NRXN3: variants seen among roughly 807,000 people sequenced by gnomAD.
NRXN3 encodes neurexin 3.
A neutral mutation model predicts 137.6 loss-of-function variants in NRXN3; 32 were observed. The observed-to-expected ratio is 0.23, with a 90% CI of 0.18 to 0.31. The LOEUF (loss-of-function observed/expected upper bound fraction) is 0.31. Ranked by LOEUF, NRXN3 falls within the 10% of genes least tolerant of loss-of-function variation. The probability of loss-of-function intolerance (pLI) is 1.00; values close to 1 mark genes in which losing one functional copy is unlikely to be tolerated. For synonymous variants in NRXN3, 798 were observed against 784.5 expected (o/e 1.02, Z -0.29); for missense variants, 1,574 against 2,062.5 (o/e 0.76, Z 4.59).
intron 16 of NRXN3, among the ~76,000 whole-genome samples, chr14:79,471,192 A>G (rs777997922): frequency 6.6e-6 from 1 of 152,138 alleles, no homozygotes; most frequent in Non-Finnish European, 1.5e-5. Flanking sequence ...ACCCTGGGGT[A>G]AGCACCCACT....
chr14:79,488,494 A>G (rs758025808), intron 16 of NRXN3, among the ~76,000 whole-genome samples: 3 of 152,224 alleles, frequency 2.0e-5, no homozygotes, highest in Non-Finnish European at 4.4e-5. Flanking sequence ...ACAAAGGCAG[A>G]AATTGACAAC....
At chr14:78,275,199 C>T (rs942330267) in intron 2 of NRXN3, among the ~76,000 whole-genome samples, 2 of 152,174 alleles carry the variant, frequency 1.3e-5, no homozygotes, top group African/African-American at 4.8e-5. Flanking sequence ...CTTCATGGCT[C>T]CAATCACTAT....
intron 4 of NRXN3, among the ~76,000 whole-genome samples, chr14:78,615,631 T>C (rs997365821): frequency 1.3e-5 from 2 of 149,908 alleles, no homozygotes; most frequent in Non-Finnish European, 3.0e-5. Flanking sequence ...ACAACAACAA[T>C]AACCAAAAAA....
intron 15 of NRXN3, among the ~76,000 whole-genome samples, chr14:79,288,065 C>G (rs1319357832): frequency 3.9e-5 from 6 of 152,194 alleles, no homozygotes; most frequent in Non-Finnish European, 7.3e-5. Context: ...TATCTGAGTT[C>G]CACAAGTCTG....
chr14:79,815,224 T>A (rs1175849445), intron 20 of NRXN3, among the ~76,000 whole-genome samples: 2 of 152,226 alleles, frequency 1.3e-5, no homozygotes, highest in African/African-American at 2.4e-5. Context: ...ATTTGATTAG[T>A]TGGATACGAA....
intron 15 of NRXN3, among the ~76,000 whole-genome samples, chr14:79,056,125 A>C (rs1487686463): frequency 6.6e-6 from 1 of 152,234 alleles, no homozygotes; most frequent in Non-Finnish European, 1.5e-5. Context: ...TGGCAGTAGG[A>C]ATGCATAGAA....
chr14:78,802,951 T>A (rs1311737138), intron 8 of NRXN3, among the ~76,000 whole-genome samples: 1 of 151,896 alleles, frequency 6.6e-6, no homozygotes, highest in East Asian at 1.9e-4. Flanking sequence ...CTCAAAAAAA[T>A]AAAAAATAAA....
chr14:78,855,182 A>C (rs919307407), intron 10 of NRXN3, among the ~76,000 whole-genome samples: 7 of 151,914 alleles, frequency 4.6e-5, no homozygotes, highest in Non-Finnish European at 8.8e-5. Flanking sequence ...AAAACATACA[A>C]AAAAGGTATA....
intron 19 of NRXN3, among the ~76,000 whole-genome samples, chr14:79,713,611 A>G (rs1416096492): frequency 4.1e-4 from 57 of 138,510 alleles, no homozygotes; most frequent in Non-Finnish European, 9.5e-5. Context: ...ATATACATAT[A>G]CATATGTATG....
intron 15 of NRXN3, among the ~76,000 whole-genome samples, chr14:79,011,079 C>A (rs557040887): frequency 6.6e-6 from 1 of 151,360 alleles, no homozygotes; most frequent in East Asian, 1.9e-4. Context: ...GGTGCGCAAC[C>A]CACACGTCTC....
At chr14:79,368,011 T>C (rs912176472) in intron 15 of NRXN3, among the ~76,000 whole-genome samples, 3 of 152,214 alleles carry the variant, frequency 2.0e-5, no homozygotes, top group Non-Finnish European at 4.4e-5. Context: ...CTGAACGTTT[T>C]CATCTTTACA....
intron 4 of NRXN3, among the ~76,000 whole-genome samples, chr14:78,529,256 A>T (rs991175555): frequency 6.6e-6 from 1 of 152,180 alleles, no homozygotes; most frequent in Non-Finnish European, 1.5e-5. Context: ...TGGAATTTAG[A>T]TTCGGTTCAA....
At chr14:79,477,339 C>T (rs2096569047) in intron 16 of NRXN3, among the ~76,000 whole-genome samples, 1 of 152,066 alleles carries the variant, frequency 6.6e-6, no homozygotes, top group Non-Finnish European at 1.5e-5. Flanking sequence ...GGCAATTGGT[C>T]TCTGATTCAA....
At chr14:79,054,813 G>T (rs1046920655) in intron 15 of NRXN3, among the ~76,000 whole-genome samples, 9 of 152,124 alleles carry the variant, frequency 5.9e-5, no homozygotes, top group Non-Finnish European at 1.0e-4. Context: ...TTTGGACTGT[G>T]GAAAGACAAT....
At chr14:79,375,307 A>C in intron 15 of NRXN3, among the ~76,000 whole-genome samples, 1 of 138,304 alleles carries the variant, frequency 7.2e-6, no homozygotes. Context: ...CCACACATAT[A>C]CCCTTTTTTC....
chr14:79,403,991 T>C (rs1250399470), intron 15 of NRXN3, among the ~76,000 whole-genome samples: 1 of 152,188 alleles, frequency 6.6e-6, no homozygotes, highest in Non-Finnish European at 1.5e-5. Context: ...GGAAAAGTGC[T>C]GCTAAAGAAT....
chr14:78,896,319 G>A (rs2099174560), intron 10 of NRXN3, among the ~76,000 whole-genome samples: 1 of 151,824 alleles, frequency 6.6e-6, no homozygotes, highest in African/African-American at 2.4e-5. Context: ...ACTAGGGAAA[G>A]TAAAACATAT....
chr14:78,487,197 T>C (rs2095575096), intron 4 of NRXN3, among the ~76,000 whole-genome samples: 1 of 152,190 alleles, frequency 6.6e-6, no homozygotes, highest in East Asian at 1.9e-4. Context: ...GACTTTTTTT[T>C]CTGTGTGGAA....
chr14:79,593,010 A>T (rs963890192), intron 16 of NRXN3, among the ~76,000 whole-genome samples: 1 of 152,192 alleles, frequency 6.6e-6, no homozygotes, highest in Non-Finnish European at 1.5e-5. Context: ...AAAAACATAT[A>T]CTAATCACTT....
Sources: allele counts gnomAD v4.1 joint callset (sites outside exome capture counted in the v4.1 genomes callset), GRCh38; gene constraint gnomAD v4.1.1; transcripts MANE v1.5; gene names NCBI Gene and HGNC (gene_info 2026-07-23, HGNC 2026-07-21).